Variants in LDAH observed in about 807,000 individuals in gnomAD.
LDAH encodes the protein lipid droplet associated hydrolase, also known as lipid droplet-associated hydrolase.
LDAH carries 26 observed loss-of-function variants against 29.6 expected under a neutral mutation model. The observed-to-expected ratio is 0.88, with a 90% CI of 0.64 to 1.22. The LOEUF (loss-of-function observed/expected upper bound fraction) is 1.22. Ranked by LOEUF, LDAH falls within the 50% of genes most tolerant of loss-of-function variation. The pLI, the probability that LDAH is intolerant of heterozygous loss-of-function variation, is 0.00. For missense variants in LDAH, 344 were observed against 387.3 expected (o/e 0.89, Z 0.94); for synonymous variants, 117 against 133.0 (o/e 0.88, Z 0.83).
At chr2:20,758,062 C>G (rs1668452734) in intron 4 of LDAH, among the ~76,000 whole-genome samples, 1 of 152,092 alleles carries the variant, frequency 6.6e-6, no homozygotes, top group East Asian at 1.9e-4. Flanking sequence ...TCTGGCAAAC[C>G]TGGACTAATA....
intron 1 of LDAH, 72 bp from the exon 2 acceptor site, chr2:20,801,537 G>T: frequency 7.6e-7 from 1 of 1,320,246 alleles, no homozygotes; most frequent in Non-Finnish European, 1.1e-6. Context: ...CAAAATTCAA[G>T]AATAAAAAAG....
chr2:20,699,986 A>C (rs1218522224), intron 6 of LDAH, among the ~76,000 whole-genome samples: 1 of 152,238 alleles, frequency 6.6e-6, no homozygotes, highest in African/African-American at 2.4e-5. Flanking sequence ...GCAGACTCTG[A>C]CACATGATGG....
At chr2:20,722,337 G>A (rs971199599) in intron 5 of LDAH, among the ~76,000 whole-genome samples, 11 of 137,058 alleles carry the variant, frequency 8.0e-5, no homozygotes, top group Admixed American at 4.2e-4. Flanking sequence ...CCGAGATTGC[G>A]CCACTGTACT....
chr2:20,702,126 G>C (rs976924384), intron 5 of LDAH, among the ~76,000 whole-genome samples: 5 of 151,884 alleles, frequency 3.3e-5, no homozygotes, highest in African/African-American at 1.2e-4. Flanking sequence ...AGTTCTCCAG[G>C]AGTTTTCAAT....
intron 4 of LDAH, among the ~76,000 whole-genome samples, chr2:20,743,927 G>T (rs542608943): frequency 9.4e-4 from 142 of 150,284 alleles, no homozygotes; most frequent in Non-Finnish European, 1.9e-3. Context: ...TCCAATTTTG[G>T]AGGTTTATGT....
intron 2 of LDAH, among the ~76,000 whole-genome samples, chr2:20,797,405 T>C (rs572737274): frequency 1.3e-5 from 2 of 152,132 alleles, no homozygotes; most frequent in East Asian, 3.9e-4. Context: ...AACTGAACAA[T>C]AAAAGAAAGA....
At chr2:20,755,687 A>G (rs1324924519) in intron 4 of LDAH, among the ~76,000 whole-genome samples, 1 of 152,182 alleles carries the variant, frequency 6.6e-6, no homozygotes, top group Non-Finnish European at 1.5e-5. Context: ...GTGTAGAAAT[A>G]GAAGAAAGAG....
chr2:20,742,530 C>T (rs1377707520), intron 4 of LDAH, among the ~76,000 whole-genome samples: 1 of 152,138 alleles, frequency 6.6e-6, no homozygotes, highest in Non-Finnish European at 1.5e-5. Context: ...GGAGGACTGA[C>T]CTCTTTATCA....
At chr2:20,776,905 G>A (rs1259003806) in intron 3 of LDAH, among the ~76,000 whole-genome samples, 2 of 152,078 alleles carry the variant, frequency 1.3e-5, no homozygotes, top group South Asian at 2.1e-4. Context: ...AAAGATAAAC[G>A]GGCTCTGGAG....
chr2:20,730,300 C>G (rs909164919), intron 5 of LDAH, among the ~76,000 whole-genome samples: 7 of 152,080 alleles, frequency 4.6e-5, no homozygotes, highest in African/African-American at 1.4e-4. Flanking sequence ...TCTCTGAACA[C>G]CAGTTTTCAC....
rs1662624742 is a variant in LDAH at position 20,687,195 on chromosome 2, C to A, written c.787-101G>T. On this transcript the variant is annotated intron_variant, in intron 6 of 6. Coordinates refer to ENST00000237822, the MANE Select transcript of LDAH (RefSeq NM_021925.4). ...AGTGCTCTGAGGACAGCACCTACGC[C>A]TGACCCTGGGAGCTAGTCCCTAAGC... The A allele has an allele frequency of 7.7e-6, 7 of 912,136 alleles. No individual in the cohort carries two copies. The South Asian group carries it at 1.0e-4, about 13-fold the overall frequency. The allele number at this position is 912,136 out of a possible 1,614,324, so 56.5% of individuals were successfully genotyped here.
At chr2:20,695,061 T>C (rs1663336871) in intron 6 of LDAH, among the ~76,000 whole-genome samples, 1 of 152,258 alleles carries the variant, frequency 6.6e-6, no homozygotes, top group African/African-American at 2.4e-5. Flanking sequence ...TGTACTGGAA[T>C]GGTTTTACTC....
intron 5 of LDAH, among the ~76,000 whole-genome samples, chr2:20,703,116 G>A (rs1049410468): frequency 2.6e-5 from 4 of 152,186 alleles, no homozygotes; most frequent in South Asian, 2.1e-4. Flanking sequence ...ATGAGCCACC[G>A]CACCCAGCTC....
rs558080862 is a variant in LDAH at position 20,799,598 on chromosome 2, G to A, written c.154+1712C>T. ...ATGCCAATTCTGTTGGTATAAATAA[G>A]TTCCAACAATAGAACTTACACCTTT... is the stretch of plus-strand genomic sequence containing the variant. On this transcript the variant is annotated intron_variant, in intron 2 of 6. Transcript: ENST00000237822. Among the ~76,000 whole-genome samples the A allele has an allele frequency of 1.3e-3, 200 of 152,172 alleles. 1 individual carries two copies. Among genetic ancestry groups the A allele is most frequent in the African/African-American group, 4.5e-3 (188 of 41,520 alleles).
chr2:20,711,160 G>A (rs1303180482), intron 5 of LDAH, among the ~76,000 whole-genome samples: 2 of 151,934 alleles, frequency 1.3e-5, no homozygotes, highest in Non-Finnish European at 2.9e-5. Context: ...AGGCTGAGAC[G>A]GGCGGATCAC....
chr2:20,714,252 G>C (rs1010771190), intron 5 of LDAH, among the ~76,000 whole-genome samples: 1 of 152,172 alleles, frequency 6.6e-6, no homozygotes, highest in East Asian at 1.9e-4. Flanking sequence ...CAACTACATG[G>C]AAACTGAACA....
intron 2 of LDAH, among the ~76,000 whole-genome samples, chr2:20,797,414 G>T (rs1015642191): frequency 6.6e-6 from 1 of 152,172 alleles, no homozygotes; most frequent in Non-Finnish European, 1.5e-5. Context: ...ATAAAAGAAA[G>T]AGCTTCAGAC....
In LDAH at chr2:20,685,117, A is replaced by C; in HGVS notation, c.*1786T>G. The C allele has an allele frequency of 1.5e-6, 1 of 662,248 alleles. No individual in the cohort carries two copies. The highest frequency in any genetic ancestry group is 3.3e-5 in the South Asian group (1 of 30,244). The allele number at this position is 662,248 out of a possible 1,614,324, so 41.0% of individuals were successfully genotyped here. On this transcript the variant is annotated 3_prime_UTR_variant, in exon 7 of 7. Coordinates refer to ENST00000237822, the MANE Select transcript of LDAH (RefSeq NM_021925.4). Reference sequence around the variant, plus strand: ...GTTTTCAGATGATAAATAGGAATTAAGAATGAGTATCTTTCTTAGGCTCTA... The same window carrying C: ...GTTTTCAGATGATAAATAGGAATTACGAATGAGTATCTTTCTTAGGCTCTA...
intron 4 of LDAH, among the ~76,000 whole-genome samples, chr2:20,774,230 C>T (rs1276202114): frequency 4.6e-5 from 7 of 152,138 alleles, no homozygotes; most frequent in African/African-American, 7.2e-5. Context: ...TAGGTCTTTG[C>T]GTCTCTAGCG....
Sources: gnomAD v4.1 joint callset for allele counts (sites outside exome capture counted in the v4.1 genomes callset) on GRCh38, gnomAD v4.1.1 for gene constraint, MANE v1.5 for transcripts, NCBI Gene and HGNC (gene_info 2026-07-23, HGNC 2026-07-21) for gene names.